Variants in TMEM132C observed in about 807,000 individuals in gnomAD.
TMEM132C encodes transmembrane protein 132C, also known as protein phosphatase 1, regulatory subunit 152.
TMEM132C carries 29 observed loss-of-function variants against 61.4 expected under a neutral mutation model. The ratio of observed to expected loss-of-function variants is 0.47; its 90% CI spans 0.35 to 0.64. The LOEUF is 0.64. Among genes scored for constraint, TMEM132C ranks in the 30% least tolerant of loss-of-function variants. The pLI is 0.00. For missense variants in TMEM132C, 1,408 were observed against 1,476.9 expected, an observed-to-expected ratio of 0.95 and a Z score of 0.76; for synonymous variants, 656 against 633.1, an observed-to-expected ratio of 1.04 and a Z score of -0.54.
In TMEM132C at chr12:128,665,448, T is replaced by C. The variant is rs1187020129; in HGVS notation, c.1306-3969T>C. Among the ~76,000 whole-genome samples the C allele has an allele frequency of 3.4e-5, 4 of 119,366 alleles. No individual in the cohort carries two copies. The East Asian group carries it at 1.1e-3, about 33-fold the overall frequency. 78.3% of individuals were successfully genotyped at this position (119,366 alleles called of 152,430 possible). ...ACACAGGCACATGTAGCCATACACG[T>C]AGGCACTCACACACACACAAACATA... On this transcript the variant is annotated intron_variant, in intron 4 of 8. Coordinates refer to ENST00000435159, the MANE Select transcript of TMEM132C (RefSeq NM_001136103.3).
chr12:128,383,805 G>A (rs556153568), intron 1 of TMEM132C, among the ~76,000 whole-genome samples: 40 of 152,230 alleles, frequency 2.6e-4, no homozygotes, highest in African/African-American at 8.2e-4. Context: ...CTTACTTAAC[G>A]GCTTGCAAAG....
At chr12:128,537,527 A>T (rs1005347710) in intron 2 of TMEM132C, among the ~76,000 whole-genome samples, 1 of 152,174 alleles carries the variant, frequency 6.6e-6, no homozygotes, top group South Asian at 2.1e-4. Context: ...TATTTCTTGC[A>T]TGTAATTTAG....
intron 1 of TMEM132C, among the ~76,000 whole-genome samples, chr12:128,359,044 T>C (rs757269944): frequency 2.0e-5 from 3 of 152,140 alleles, no homozygotes; most frequent in Non-Finnish European, 4.4e-5. Context: ...TAGTATTCCA[T>C]CTTACAGATG....
At chr12:128,376,799 A>T (rs2398409) in intron 1 of TMEM132C, among the ~76,000 whole-genome samples, 113,861 of 152,162 alleles carry the variant, frequency 0.75, 44,654 homozygotes, top group Non-Finnish European at 0.87. Flanking sequence ...TGTGCCCCGA[A>T]GTGGGCATGG....
At chr12:128,321,135 G>GAAAA (rs150141594) in intron 1 of TMEM132C, among the ~76,000 whole-genome samples, 37 of 128,082 alleles carry the variant, frequency 2.9e-4, no homozygotes, top group Admixed American at 8.1e-4. Context: ...TGCCATTTTT[G>GAAAA]AAAAATAATA....
chr12:128,392,959 C>T lies in TMEM132C; in HGVS notation c.86-21773C>T, dbSNP rs142074931. Among the ~76,000 whole-genome samples, 78 of 152,300 alleles carry T rather than the reference C, an allele frequency of 5.1e-4. No homozygotes were observed. In the East Asian group the frequency reaches 0.011, roughly 21 times the overall value. Reference sequence around the variant, plus strand: ...TAAAAGCTGCATGATGGTCTCTAACCTGAGGCATAGATGTATCAAGGTGCA... The same window carrying T: ...TAAAAGCTGCATGATGGTCTCTAACTTGAGGCATAGATGTATCAAGGTGCA... On this transcript the variant is annotated intron_variant, in intron 1 of 8. Transcript: ENST00000435159.
At chr12:128,341,679 G>A (rs915674583) in intron 1 of TMEM132C, among the ~76,000 whole-genome samples, 3 of 152,168 alleles carry the variant, frequency 2.0e-5, no homozygotes, top group African/African-American at 7.2e-5. Context: ...ACTTCTTCTT[G>A]CTGCTGATTA....
intron 1 of TMEM132C, among the ~76,000 whole-genome samples, chr12:128,306,375 G>A (rs1053622959): frequency 4.0e-5 from 6 of 151,834 alleles, no homozygotes; most frequent in African/African-American, 1.5e-4. Context: ...CTAATTTTTT[G>A]TATTTTTTAG....
intron 1 of TMEM132C, among the ~76,000 whole-genome samples, chr12:128,353,555 AT>A (rs1384902339): frequency 3.3e-5 from 5 of 152,086 alleles, no homozygotes; most frequent in African/African-American, 1.2e-4. Context: ...GAGCCGTTTT[AT>A]TTATTGCCCC....
chr12:128,496,171 T>C (rs1010319526), intron 2 of TMEM132C, among the ~76,000 whole-genome samples: 14 of 152,224 alleles, frequency 9.2e-5, no homozygotes, highest in African/African-American at 3.4e-4. Context: ...CCCAATCTCT[T>C]CTGGCTTGTA....
chr12:128,537,387 G>A (rs11059742), intron 2 of TMEM132C, among the ~76,000 whole-genome samples: 9 of 151,954 alleles, frequency 5.9e-5, no homozygotes, highest in East Asian at 1.9e-4. Flanking sequence ...AGGGAAGGAG[G>A]GGGGATAAGG....
At chr12:128,649,700 G>GA (rs975080899) in intron 4 of TMEM132C, among the ~76,000 whole-genome samples, 1 of 151,974 alleles carries the variant, frequency 6.6e-6, no homozygotes, top group Non-Finnish European at 1.5e-5. Flanking sequence ...TGGCTAGGTT[G>GA]AAAAAAAATG....
chr12:128,581,726 A>C (rs1162824593), intron 3 of TMEM132C, among the ~76,000 whole-genome samples: 1 of 152,244 alleles, frequency 6.6e-6, no homozygotes, highest in Non-Finnish European at 1.5e-5. Context: ...GCTCTGGTTC[A>C]GGGCGATCTA....
At chr12:128,339,970 C>G (rs1320710745) in intron 1 of TMEM132C, among the ~76,000 whole-genome samples, 1 of 152,178 alleles carries the variant, frequency 6.6e-6, no homozygotes, top group Non-Finnish European at 1.5e-5. Context: ...GTCATCAATG[C>G]AACTGTTTGT....
chr12:128,495,172 C>T (rs1180427857), intron 2 of TMEM132C, among the ~76,000 whole-genome samples: 5 of 151,720 alleles, frequency 3.3e-5, no homozygotes, highest in African/African-American at 1.2e-4. Context: ...TTTCTTAATC[C>T]TGAGTTGTAG....
At chr12:128,531,969 G>C (rs891572859) in intron 2 of TMEM132C, among the ~76,000 whole-genome samples, 1 of 152,160 alleles carries the variant, frequency 6.6e-6, no homozygotes, top group Admixed American at 6.5e-5. Flanking sequence ...CAAAACACAA[G>C]AACGGTAATT....
At chr12:128,566,327 A>T (rs921883437) in intron 3 of TMEM132C, among the ~76,000 whole-genome samples, 1 of 152,212 alleles carries the variant, frequency 6.6e-6, no homozygotes, top group Non-Finnish European at 1.5e-5. Context: ...TAGAAAAAAA[A>T]TGATTGACAT....
chr12:128,689,408 A>C (rs1954702415), intron 5 of TMEM132C, among the ~76,000 whole-genome samples: 2 of 152,200 alleles, frequency 1.3e-5, no homozygotes, highest in South Asian at 4.1e-4. Context: ...AAAGAAAATG[A>C]CGTGAAAGCA....
intron 4 of TMEM132C, among the ~76,000 whole-genome samples, chr12:128,624,405 G>T (rs183708514): frequency 6.6e-6 from 1 of 152,008 alleles, no homozygotes; most frequent in Non-Finnish European, 1.5e-5. Context: ...TTAGCTGGAC[G>T]TGGTGGCGGG....
Sources: gnomAD v4.1 joint callset for allele counts (sites outside exome capture counted in the v4.1 genomes callset) on GRCh38, gnomAD v4.1.1 for gene constraint, MANE v1.5 for transcripts, NCBI Gene and HGNC (gene_info 2026-07-23, HGNC 2026-07-21) for gene names.